Variants in PRKCA observed in about 807,000 individuals in gnomAD.
The protein encoded by PRKCA is protein kinase C alpha type.
PRKCA carries 27 observed loss-of-function variants against 87.0 expected under a neutral mutation model. The observed-to-expected ratio is 0.31, with a 90% CI of 0.23 to 0.43. The LOEUF is 0.43. Ranked by LOEUF, PRKCA falls within the 20% of genes least tolerant of loss-of-function variation. PRKCA has a pLI of 1.00. For synonymous variants in PRKCA, 329 were observed against 311.1 expected, an observed-to-expected ratio of 1.06 and a Z score of -0.61; for missense variants, 518 against 852.3, an observed-to-expected ratio of 0.61 and a Z score of 4.88.
At chr17:66,727,917 C>T (rs73329769) in intron 8 of PRKCA, among the ~76,000 whole-genome samples, 2,929 of 152,266 alleles carry the variant, frequency 0.019, 100 homozygotes, top group African/African-American at 0.067. Flanking sequence ...AGGCATCCCC[C>T]ACCCCCAGTG....
chr17:66,373,667 G>A (rs573317802), intron 2 of PRKCA, among the ~76,000 whole-genome samples: 12 of 152,224 alleles, frequency 7.9e-5, no homozygotes, highest in Middle Eastern at 3.4e-3. Context: ...GTTAATTTTG[G>A]TATTGCTTTT....
At chr17:66,408,435 A>G (rs1048638293) in intron 2 of PRKCA, among the ~76,000 whole-genome samples, 1 of 152,230 alleles carries the variant, frequency 6.6e-6, no homozygotes, top group Non-Finnish European at 1.5e-5. Flanking sequence ...CTAGTTTGTA[A>G]AAATGAGGGA....
chr17:66,332,193 TCTTTC>T (rs1272767148), intron 2 of PRKCA, among the ~76,000 whole-genome samples: 3 of 151,012 alleles, frequency 2.0e-5, no homozygotes, highest in African/African-American at 7.3e-5. Flanking sequence ...ATTTTTTCTT[TCTTTC>T]CTTCTTTCTT....
At chr17:66,320,526 A>G (rs1905596003) in intron 2 of PRKCA, among the ~76,000 whole-genome samples, 1 of 152,206 alleles carries the variant, frequency 6.6e-6, no homozygotes, top group Non-Finnish European at 1.5e-5. Flanking sequence ...TAAGGATTGT[A>G]TATTTAGCTT....
rs1480336628 is a variant in PRKCA, at chr17:66,806,852, A to G, written c.*2815A>G. On this transcript the variant is annotated 3_prime_UTR_variant, in exon 17 of 17. Transcript: ENST00000413366. Reference sequence around the variant, plus strand: ...TGCCTGAGGGACAACAGACATCAGAACAAACCCCCAGAGAGAAACAGTCAA... The same window carrying G: ...TGCCTGAGGGACAACAGACATCAGAGCAAACCCCCAGAGAGAAACAGTCAA... The G allele has an allele frequency of 6.6e-6, 1 of 152,356 alleles. No individual in the cohort carries two copies. The highest frequency in any genetic ancestry group is 1.5e-5 in the Non-Finnish European group (1 of 68,148). The allele number at this position is 152,356 out of a possible 1,614,324, so 9.4% of individuals were successfully genotyped here.
chr17:66,755,007 G>A (rs564781651), intron 13 of PRKCA, among the ~76,000 whole-genome samples: 2 of 152,014 alleles, frequency 1.3e-5, no homozygotes, highest in African/African-American at 4.8e-5. Context: ...CAATTCCAAG[G>A]TCGGGTGACC....
At chr17:66,324,923 A>C (rs893638283) in intron 2 of PRKCA, among the ~76,000 whole-genome samples, 1 of 152,208 alleles carries the variant, frequency 6.6e-6, no homozygotes, top group African/African-American at 2.4e-5. Context: ...GGGAGACAAC[A>C]ATTTGCCATT....
intron 16 of PRKCA, among the ~76,000 whole-genome samples, chr17:66,801,568 T>C (rs1975898999): frequency 6.6e-6 from 1 of 152,262 alleles, no homozygotes; most frequent in Admixed American, 6.5e-5. Flanking sequence ...TGCCCTTATT[T>C]ATTTTTCAAA....
intron 14 of PRKCA, chr17:66,774,543 C>A: frequency 1.2e-6 from 1 of 810,078 alleles, no homozygotes; most frequent in Non-Finnish European, 1.5e-6. Context: ...ATTGCTTAAG[C>A]CTGAGAGGCG....
At chr17:66,603,976 G>A (rs913372467) in intron 3 of PRKCA, among the ~76,000 whole-genome samples, 2 of 152,080 alleles carry the variant, frequency 1.3e-5, no homozygotes, top group Non-Finnish European at 2.9e-5. Context: ...ATAGTATCTC[G>A]CTGTATGGAT....
At chr17:66,456,100 G>C (rs55930877) in intron 2 of PRKCA, among the ~76,000 whole-genome samples, 1 of 151,740 alleles carries the variant, frequency 6.6e-6, no homozygotes, top group Non-Finnish European at 1.5e-5. Flanking sequence ...TCTACAAACC[G>C]AGGAATGCCA....
At position 66,389,665 on chromosome 17, in the gene PRKCA, C is replaced by T. The variant is rs116466717; in HGVS notation, c.205+83538C>T. Among the ~76,000 whole-genome samples, 466 of 152,268 alleles carry T rather than the reference C, an allele frequency of 3.1e-3. 1 individual carries two copies. Among genetic ancestry groups the T allele is most frequent in the African/African-American group, 0.01 (428 of 41,572 alleles). On this transcript the variant is annotated intron_variant, in intron 2 of 16. Coordinates refer to ENST00000413366, the MANE Select transcript of PRKCA (RefSeq NM_002737.3). ...GGCATGCCCATCGTGCTCTGTGGTG[C>T]TCTGGTGCTGTTTGAAACATGCGAC...
At chr17:66,310,518 A>G (rs1905041160) in intron 2 of PRKCA, among the ~76,000 whole-genome samples, 1 of 152,060 alleles carries the variant, frequency 6.6e-6, no homozygotes, top group South Asian at 2.1e-4. Flanking sequence ...GAAGCTCTGC[A>G]TTTTTCAGTG....
At chr17:66,781,893 T>TATA (rs1568030811) in intron 14 of PRKCA, among the ~76,000 whole-genome samples, 79 of 140,414 alleles carry the variant, frequency 5.6e-4, no homozygotes, top group East Asian at 2.0e-3. Flanking sequence ...ATATAGTGTG[T>TATA]GTGTGTGTGT....
At chr17:66,694,390 A>G (rs939522864) in intron 8 of PRKCA, among the ~76,000 whole-genome samples, 1 of 147,632 alleles carries the variant, frequency 6.8e-6, no homozygotes, top group Admixed American at 6.8e-5. Context: ...ACTGAGGCAG[A>G]GAATTGCCGG....
At chr17:66,409,397 T>C (rs965350127) in intron 2 of PRKCA, among the ~76,000 whole-genome samples, 1 of 152,174 alleles carries the variant, frequency 6.6e-6, no homozygotes, top group African/African-American at 2.4e-5. Context: ...GTCTGTTCCA[T>C]TGATGAATTA....
At chr17:66,534,598 C>T (rs1168438275) in intron 3 of PRKCA, among the ~76,000 whole-genome samples, 9 of 152,030 alleles carry the variant, frequency 5.9e-5, no homozygotes, top group African/African-American at 1.7e-4. Context: ...ACCCGGGAGG[C>T]GGAGCTTGCA....
At chr17:66,367,556 A>G (rs969273101) in intron 2 of PRKCA, among the ~76,000 whole-genome samples, 5 of 152,208 alleles carry the variant, frequency 3.3e-5, no homozygotes, top group Non-Finnish European at 7.3e-5. Flanking sequence ...AGCCCTTCAG[A>G]GTCTGTTACA....
intron 16 of PRKCA, among the ~76,000 whole-genome samples, chr17:66,800,996 A>C (rs972070903): frequency 2.0e-5 from 3 of 152,182 alleles, no homozygotes; most frequent in African/African-American, 7.2e-5. Context: ...ATTCACTTGA[A>C]TTCTTCCAGG....
Sources: gnomAD v4.1 joint callset for allele counts (sites outside exome capture counted in the v4.1 genomes callset) on GRCh38, gnomAD v4.1.1 for gene constraint, MANE v1.5 for transcripts, NCBI Gene and HGNC (gene_info 2026-07-23, HGNC 2026-07-21) for gene names.